Variants in DGKB observed in about 807,000 individuals in gnomAD.
DGKB encodes diacylglycerol kinase beta, also known as 90 kDa diacylglycerol kinase.
DGKB carries 67 observed loss-of-function variants against 114.3 expected under a neutral mutation model. That is an observed-to-expected ratio of 0.59 (90% CI 0.48 to 0.72). The LOEUF (loss-of-function observed/expected upper bound fraction) is 0.72, where lower values mean the gene tolerates loss of function less well. Among genes scored for constraint, DGKB ranks in the 30% least tolerant of loss-of-function variants. The pLI is 0.00. For synonymous variants in DGKB, 398 were observed against 323.1 expected, an observed-to-expected ratio of 1.23 and a Z score of -2.49; for missense variants, 907 against 975.2, an observed-to-expected ratio of 0.93 and a Z score of 0.93.
At chr7:14,561,515 G>C (rs1344400333) in intron 20 of DGKB, among the ~76,000 whole-genome samples, 1 of 152,054 alleles carries the variant, frequency 6.6e-6, no homozygotes, top group Non-Finnish European at 1.5e-5. Flanking sequence ...GAAAAAGACA[G>C]AAAAATGTTG....
At chr7:14,731,822 A>G (rs1157488071) in intron 5 of DGKB, among the ~76,000 whole-genome samples, 1 of 152,206 alleles carries the variant, frequency 6.6e-6, no homozygotes, top group Non-Finnish European at 1.5e-5. Flanking sequence ...CAGAGACGAG[A>G]GATTAGAGAC....
Position 14,478,153 on chromosome 7 carries a change from C to A in DGKB, c.1835+8G>T. 1 of 1,584,052 alleles carries A rather than the reference C, an allele frequency of 6.3e-7. No individual in the cohort carries two copies. The highest frequency in any genetic ancestry group is 1.1e-5 in the South Asian group (1 of 87,566). ...ATATCTATAATTTCATCTCTTTTGT[C>A]ACCTTACCTACTGTTGAATTTCTCT... On this transcript the variant is annotated splice_region_variant and intron_variant, in intron 21 of 25. Transcript: ENST00000402815.
At chr7:14,933,342 T>C (rs1237943930) in intron 1 of DGKB, among the ~76,000 whole-genome samples, 1 of 152,216 alleles carries the variant, frequency 6.6e-6, no homozygotes, top group African/African-American at 2.4e-5. Context: ...AACTGCAAAT[T>C]GGATCTATCA....
chr7:14,259,952 T>C (rs1403851342), intron 23 of DGKB, among the ~76,000 whole-genome samples: 2 of 152,218 alleles, frequency 1.3e-5, no homozygotes, highest in Non-Finnish European at 2.9e-5. Flanking sequence ...TTCACAAGCA[T>C]GTTATGTAAA....
intron 1 of DGKB, among the ~76,000 whole-genome samples, chr7:14,945,449 C>T (rs1053212608): frequency 2.6e-5 from 4 of 151,510 alleles, no homozygotes; most frequent in Non-Finnish European, 5.9e-5. Context: ...TTACAATTTG[C>T]CCACTTTCTT....
chr7:14,333,988 T>C (rs1231846077), intron 23 of DGKB, among the ~76,000 whole-genome samples: 3 of 152,218 alleles, frequency 2.0e-5, no homozygotes, highest in African/African-American at 7.2e-5. Context: ...CTGATAAAAG[T>C]GTGCTTGATA....
At chr7:14,277,783 C>A (rs1799250476) in intron 23 of DGKB, among the ~76,000 whole-genome samples, 1 of 152,224 alleles carries the variant, frequency 6.6e-6, no homozygotes. Context: ...TGGATATATA[C>A]CCGAGGTAGG....
intron 20 of DGKB, among the ~76,000 whole-genome samples, chr7:14,557,931 T>C (rs935679305): frequency 3.3e-5 from 5 of 151,680 alleles, no homozygotes; most frequent in African/African-American, 1.2e-4. Context: ...ATCTCATTTA[T>C]CATTCTTAAT....
At chr7:14,945,246 A>G (rs1785807510) in intron 1 of DGKB, among the ~76,000 whole-genome samples, 1 of 151,886 alleles carries the variant, frequency 6.6e-6, no homozygotes, top group African/African-American at 2.4e-5. Flanking sequence ...TGTATATATT[A>G]TATAATTGTG....
rs1276443969 is a variant in DGKB, at chr7:14,879,291, T to TA, written c.-188+23300dup. On this transcript the variant is annotated intron_variant, in intron 1 of 25. Transcript: ENST00000402815. ...TCTATGTTAGGGAGCCCAGTCTATC[T>TA]AAAAAAATATTTAATATGGTAAACT... 9.3e-5 allele frequency among the ~76,000 whole-genome samples: 14 copies of TA among 150,138 alleles called. No homozygotes were observed. The East Asian group carries it at 1.9e-3, about 21-fold the overall frequency.
intron 1 of DGKB, among the ~76,000 whole-genome samples, chr7:14,925,826 T>C (rs1784715318): frequency 6.6e-6 from 1 of 152,078 alleles, no homozygotes; most frequent in African/African-American, 2.4e-5. Context: ...TGATTTTCTA[T>C]GTGGACCTTC....
chr7:14,707,113 A>G (rs956485769), intron 6 of DGKB, among the ~76,000 whole-genome samples: 1 of 137,130 alleles, frequency 7.3e-6, no homozygotes, highest in African/African-American at 2.8e-5. Flanking sequence ...AAATAGACGC[A>G]ATAAAAAATG....
chr7:14,682,338 T>C lies in DGKB; in HGVS notation c.1035+215A>G, dbSNP rs149111448. ...AAAAACCATACCATGGTATCATCTC[T>C]TAGATTGTCACCAGCTCTAAAATTC... is the stretch of plus-strand genomic sequence containing the variant. On this transcript the variant is annotated intron_variant, in intron 12 of 25. Transcript: ENST00000402815. 3.9e-5 allele frequency among the ~76,000 whole-genome samples: 6 copies of C among 152,176 alleles called. No individual in the cohort carries two copies. The East Asian group carries it at 1.2e-3, about 29-fold the overall frequency.
intron 22 of DGKB, among the ~76,000 whole-genome samples, chr7:14,341,545 T>C (rs915810502): frequency 2.6e-5 from 4 of 151,926 alleles, no homozygotes; most frequent in African/African-American, 9.7e-5. Context: ...TGAATATTTT[T>C]ATTAGGTAGA....
intron 20 of DGKB, among the ~76,000 whole-genome samples, chr7:14,555,158 T>C (rs184144481): frequency 1.3e-5 from 2 of 152,342 alleles, no homozygotes; most frequent in Admixed American, 6.5e-5. Flanking sequence ...AATTTGTTTT[T>C]ATTTAAATGA....
chr7:14,801,264 T>C (rs1376789020), intron 2 of DGKB, among the ~76,000 whole-genome samples: 1 of 152,304 alleles, frequency 6.6e-6, no homozygotes, highest in East Asian at 1.9e-4. Context: ...GTATGCAGGA[T>C]AGTTGCATCA....
intron 2 of DGKB, among the ~76,000 whole-genome samples, chr7:14,827,609 G>C (rs1286260884): frequency 1.3e-5 from 2 of 152,050 alleles, no homozygotes; most frequent in African/African-American, 4.8e-5. Flanking sequence ...TTTCTTCCAG[G>C]AAATATTGGG....
At chr7:14,400,151 A>T (rs1822873705) in intron 21 of DGKB, among the ~76,000 whole-genome samples, 1 of 151,926 alleles carries the variant, frequency 6.6e-6, no homozygotes, top group Non-Finnish European at 1.5e-5. Context: ...AACACCCTTT[A>T]TGGTCTCCTT....
intron 20 of DGKB, among the ~76,000 whole-genome samples, chr7:14,479,057 A>G (rs1365252910): frequency 1.3e-5 from 2 of 152,122 alleles, no homozygotes; most frequent in Admixed American, 1.3e-4. Context: ...CCAAGTGTGG[A>G]GATATTTTCC....
Sources: allele counts gnomAD v4.1 joint callset (sites outside exome capture counted in the v4.1 genomes callset), GRCh38; gene constraint gnomAD v4.1.1; transcripts MANE v1.5; gene names NCBI Gene and HGNC (gene_info 2026-07-23, HGNC 2026-07-21).